MPDZ: variants seen among roughly 807,000 people sequenced by gnomAD.
The protein encoded by MPDZ is multiple PDZ domain crumbs cell polarity complex component.
In MPDZ, 234 loss-of-function variants were observed where a neutral mutation model predicts 239.1. The ratio of observed to expected loss-of-function variants is 0.98; its 90% CI spans 0.88 to 1.09. MPDZ has a LOEUF of 1.09. Among genes scored for constraint, MPDZ ranks in the 50% least tolerant of loss-of-function variants. The pLI is 0.00. For synonymous variants in MPDZ, 1,048 were observed against 881.3 expected (o/e 1.19, Z -3.35); for missense variants, 3,175 against 2,510.0 (o/e 1.26, Z -5.66).
intron 1 of MPDZ, among the ~76,000 whole-genome samples, chr9:13,257,369 G>C (rs748990151): frequency 3.3e-5 from 5 of 152,072 alleles, no homozygotes; most frequent in African/African-American, 1.2e-4. Flanking sequence ...TCTTACTCAA[G>C]GTCAAACAGC....
intron 39 of MPDZ, among the ~76,000 whole-genome samples, chr9:13,116,878 C>T (rs1943535136): frequency 6.6e-6 from 1 of 152,054 alleles, no homozygotes. Context: ...TTGTATTTTA[C>T]ATAGTTGCAT....
At chr9:13,186,953 C>T (rs1005483945) in intron 17 of MPDZ, among the ~76,000 whole-genome samples, 3 of 151,990 alleles carry the variant, frequency 2.0e-5, no homozygotes, top group African/African-American at 4.8e-5. Flanking sequence ...AAACAAAAAC[C>T]AAATCTCTAC....
intron 2 of MPDZ, among the ~76,000 whole-genome samples, chr9:13,248,980 A>AAAAAAAAAAAAAAAAAAAAAAAG (rs1967112851): frequency 3.1e-5 from 1 of 31,860 alleles, no homozygotes; most frequent in Non-Finnish European, 5.6e-5. Flanking sequence ...CCATCTCAAA[A>AAAAAAAAAAAAAAAAAAAAAAAG]AAAAAAAAAA....
intron 22 of MPDZ, among the ~76,000 whole-genome samples, chr9:13,167,118 A>T (rs1383240302): frequency 6.6e-6 from 1 of 152,096 alleles, no homozygotes; most frequent in Non-Finnish European, 1.5e-5. Context: ...ACATAAACTA[A>T]AACCCTGCGA....
Position 13,126,557 on chromosome 9 carries a change from CCAGT to C in MPDZ, c.4587_4590del (p.Ile1529MetfsTer3). 1 of 1,586,386 alleles carries C rather than the reference CCAGT, an allele frequency of 6.3e-7. No homozygotes were observed. The highest frequency in any genetic ancestry group is 8.6e-7 in the Non-Finnish European group (1 of 1,165,024). ...CCAACAACAATTTCATCATCTACAG[CCAGT>C]ATCTGATCTCCGACTTTGAGTCGTC... On this transcript the variant is annotated frameshift_variant, in exon 34 of 47. Transcript: ENST00000319217. LOFTEE classifies it high-confidence loss of function.
At chr9:13,112,379 T>C (rs954034948) in intron 42 of MPDZ, among the ~76,000 whole-genome samples, 1 of 152,152 alleles carries the variant, frequency 6.6e-6, no homozygotes, top group Admixed American at 6.6e-5. Context: ...ATGAAAATCA[T>C]GTTGTGGAAC....
intron 3 of MPDZ, among the ~76,000 whole-genome samples, chr9:13,237,628 G>T (rs928119339): frequency 6.6e-6 from 1 of 151,464 alleles, no homozygotes; most frequent in Non-Finnish European, 1.5e-5. Flanking sequence ...ATATAGACTT[G>T]AGTATAGAAA....
intron 3 of MPDZ, among the ~76,000 whole-genome samples, chr9:13,236,247 G>GTATA (rs1362734880): frequency 2.9e-4 from 5 of 17,124 alleles, no homozygotes; most frequent in African/African-American, 6.5e-4. Context: ...GTGTGTGTGT[G>GTATA]TGTATATATA....
chr9:13,221,180 G>A (rs577119616), intron 7 of MPDZ, among the ~76,000 whole-genome samples, 192 bp downstream of exon 7: 2 of 151,902 alleles, frequency 1.3e-5, no homozygotes, highest in Non-Finnish European at 2.9e-5. Flanking sequence ...TAAGATTACT[G>A]TCCCTTTTCA....
At chr9:13,237,921 C>A (rs1324255816) in intron 3 of MPDZ, among the ~76,000 whole-genome samples, 2 of 151,946 alleles carry the variant, frequency 1.3e-5, no homozygotes, top group Non-Finnish European at 2.9e-5. Flanking sequence ...ATAAATTAAG[C>A]TTTAGTTAAA....
intron 8 of MPDZ, 86 bp downstream of exon 8, chr9:13,219,473 G>C: frequency 8.4e-7 from 1 of 1,189,880 alleles, no homozygotes; most frequent in Non-Finnish European, 1.2e-6. Context: ...AGGAACATTA[G>C]TAAGTCTAGT....
At chr9:13,189,709 T>C (rs776309803) in intron 16 of MPDZ, among the ~76,000 whole-genome samples, 9 of 152,170 alleles carry the variant, frequency 5.9e-5, no homozygotes, top group Admixed American at 3.3e-4. Context: ...AGTCAAATGA[T>C]TGGAACAGCA....
At chr9:13,234,182 T>C (rs1343809123) in intron 3 of MPDZ, among the ~76,000 whole-genome samples, 2 of 152,146 alleles carry the variant, frequency 1.3e-5, no homozygotes, top group South Asian at 4.1e-4. Context: ...AAATTACTTA[T>C]ACTTCTTTTC....
chr9:13,190,313 G>A lies in MPDZ; in HGVS notation c.1969-14C>T, dbSNP rs1342530093. The A allele has an allele frequency of 7.9e-6, 12 of 1,513,262 alleles. No homozygotes were observed. Among genetic ancestry groups the A allele is most frequent in the Non-Finnish European group, 9.7e-6 (11 of 1,132,188 alleles). 93.7% of individuals were successfully genotyped at this position (1,513,262 alleles called of 1,614,324 possible). A position where few individuals can be genotyped will look rare whatever the true frequency, so the allele number is the denominator to read the frequency against. ...ATCTACGTGAGGCTGGATAATATCA[G>A]ACAGCTCTTATTTCAGAGGCATTGC... On this transcript the variant is annotated splice_polypyrimidine_tract_variant and intron_variant, in intron 15 of 46. Coordinates refer to ENST00000319217, the MANE Select transcript of MPDZ (RefSeq NM_001378778.1).
rs755215300 is a variant in MPDZ, at chr9:13,110,036, A to G, written c.5858T>C (p.Val1953Ala). 7.4e-6 allele frequency: 12 copies of G among 1,613,254 alleles called. No individual in the cohort carries two copies. The highest frequency in any genetic ancestry group is 1.0e-5 in the Non-Finnish European group (12 of 1,179,684). The change falls in exon 45 of 47, where the codon GTC becomes GCC. Residue 1953 changes from valine (V) to alanine (A), a missense_variant. Val to Ala is a moderately conservative substitution (Grantham distance 64, BLOSUM62 0). Transcript: ENST00000319217. ...TGCAGGCTCCTGCTGATGACCTGTG[A>G]CCACACTCACGTCTCCTCCAGCAAC... ...QVVAGGDVSV[V>A]TGHQQEPASS...
chr9:13,192,696 G>A (rs1955101854), intron 14 of MPDZ, among the ~76,000 whole-genome samples: 1 of 152,042 alleles, frequency 6.6e-6, no homozygotes, highest in African/African-American at 2.4e-5. Context: ...ACTTTAAAAA[G>A]TGAGGGAAAA....
intron 2 of MPDZ, 66 bp from the exon 3 acceptor site, chr9:13,247,867 T>A (rs1238753581): frequency 2.1e-5 from 29 of 1,397,626 alleles, no homozygotes; most frequent in Non-Finnish European, 2.8e-5. Flanking sequence ...CTAAGAGGAC[T>A]CCATCTTGTA....
At chr9:13,186,198 A>G in intron 18 of MPDZ, 72 bp downstream of exon 18, 2 of 758,890 alleles carry the variant, frequency 2.6e-6, no homozygotes, top group Non-Finnish European at 3.9e-6. Flanking sequence ...AGACTTCTTC[A>G]GAATATTTTG....
At chr9:13,217,343 A>G (rs1958481051) in intron 8 of MPDZ, 49 bp from the exon 9 acceptor site, 8 of 1,136,854 alleles carry the variant, frequency 7.0e-6, no homozygotes, top group Non-Finnish European at 1.0e-5. Flanking sequence ...TAAAAAAAAC[A>G]AAAAACAAAA....
Sources: gnomAD v4.1 joint callset for allele counts (sites outside exome capture counted in the v4.1 genomes callset) on GRCh38, gnomAD v4.1.1 for gene constraint, MANE v1.5 for transcripts, NCBI Gene and HGNC (gene_info 2026-07-23, HGNC 2026-07-21) for gene names.